Variants in NUSAP1 observed in about 807,000 individuals in gnomAD.
NUSAP1 encodes the protein nucleolar and spindle associated protein 1.
NUSAP1 carries 32 observed loss-of-function variants against 52.8 expected under a neutral mutation model. The observed-to-expected ratio is 0.61, with a 90% CI of 0.46 to 0.81. The LOEUF (loss-of-function observed/expected upper bound fraction) is 0.81, where lower values mean the gene tolerates loss of function less well. NUSAP1 is among the 40% of genes least tolerant of loss of function. NUSAP1 has a pLI of 0.00. For synonymous variants in NUSAP1, 195 were observed against 183.1 expected (o/e 1.06, Z -0.52); for missense variants, 499 against 522.3 (o/e 0.96, Z 0.43).
intron 7 of NUSAP1, among the ~76,000 whole-genome samples, chr15:41,368,728 CTTTTTTT>C (rs57501156): frequency 2.7e-4 from 21 of 77,920 alleles, no homozygotes; most frequent in African/African-American, 9.4e-4. Flanking sequence ...TTATTTTATT[CTTTTTTT>C]TTTTTTTTTT....
At chr15:41,336,648 G>GTTTTTTTTTTTTTTTTTTTTTTTTTTTT (rs75426159) in intron 1 of NUSAP1, among the ~76,000 whole-genome samples, 1 of 91,372 alleles carries the variant, frequency 1.1e-5, no homozygotes, top group African/African-American at 4.0e-5. Context: ...CCTCCTTTTG[G>GTTTTTTTTTTTTTTTTTTTTTTTTTTTT]TTTTTTTTTT....
chr15:41,352,696 A>G (rs2048820115), intron 4 of NUSAP1, among the ~76,000 whole-genome samples: 1 of 151,916 alleles, frequency 6.6e-6, no homozygotes, highest in South Asian at 2.1e-4. Context: ...ACCTGGGACT[A>G]TAGGCATGCA....
chr15:41,338,650 GA>G (rs999826832), intron 1 of NUSAP1, among the ~76,000 whole-genome samples: 18 of 151,610 alleles, frequency 1.2e-4, no homozygotes, highest in Admixed American at 3.9e-4. Flanking sequence ...TTAGGGAAAA[GA>G]AAAAAAAGAG....
chr15:41,338,293 T>C lies in NUSAP1; in HGVS notation c.94-4093T>C, dbSNP rs550032314. On this transcript the variant is annotated intron_variant, in intron 1 of 10. Transcript: ENST00000559596. ...ATGCCTCCCAAACCCACATCTCCAG[T>C]AGGACCTCTCTCTCCCCTGGGATGC... 5.3e-5 allele frequency among the ~76,000 whole-genome samples: 8 copies of C among 152,240 alleles called. No individual in the cohort carries two copies. The South Asian group carries it at 6.2e-4, about 12-fold the overall frequency.
chr15:41,334,651 C>T (rs996429981), intron 1 of NUSAP1, among the ~76,000 whole-genome samples: 28 of 152,044 alleles, frequency 1.8e-4, no homozygotes, highest in Non-Finnish European at 3.2e-4. Context: ...TGTCCCATTG[C>T]TCATTTTGAC....
rs1331117094 is a variant in NUSAP1, at chr15:41,375,808, TC to T, written c.1104del (p.Asn369ThrfsTer9). 1 of 1,611,958 alleles carries T rather than the reference TC, an allele frequency of 6.2e-7. No individual in the cohort carries two copies. The highest frequency in any genetic ancestry group is 8.5e-7 in the Non-Finnish European group (1 of 1,178,048). On this transcript the variant is annotated frameshift_variant, in exon 9 of 11. Coordinates refer to ENST00000559596, the MANE Select transcript of NUSAP1 (RefSeq NM_016359.5). LOFTEE classifies it high-confidence loss of function. ...FDLKASLSRP[L>X]NYEPHKGKLK... is the part of the protein sequence containing the mutation. ...CTTAAAGCAAGTTTGTCTCGTCCCC[TC>T]AACTATGAACCACACAAAGGTATGT...
chr15:41,333,308 T>TTTTTG (rs373696172), intron 1 of NUSAP1, among the ~76,000 whole-genome samples: 10 of 152,224 alleles, frequency 6.6e-5, no homozygotes, highest in African/African-American at 1.9e-4. Context: ...GGTTTATTGT[T>TTTTTG]TTTTGTTTTG....
rs2049972983 is a variant in NUSAP1, at chr15:41,377,121, A to G, written c.1124-75A>G. On this transcript the variant is annotated intron_variant, in intron 9 of 10. Transcript: ENST00000559596. The stretch of plus-strand genomic sequence containing the variant: ...ATAAATGTTGATAGCAGGTAACCCC[A>G]CAGATGAAGAGAATGAAGTTGGGAA... 5.3e-6 allele frequency: 4 copies of G among 759,584 alleles called. No homozygotes were observed. The South Asian group carries it at 6.6e-5, about 13-fold the overall frequency. 47.1% of individuals were successfully genotyped at this position (759,584 alleles called of 1,614,324 possible).
intron 2 of NUSAP1, chr15:41,345,547 C>A: frequency 2.5e-6 from 1 of 396,364 alleles, no homozygotes; most frequent in Admixed American, 3.5e-5. Flanking sequence ...GCAACCTCCA[C>A]CTCCTGAGTT....
intron 8 of NUSAP1, among the ~76,000 whole-genome samples, chr15:41,374,572 G>A (rs1187013794): frequency 6.6e-6 from 1 of 152,144 alleles, no homozygotes; most frequent in Admixed American, 6.6e-5. Context: ...ACTGTCGCCA[G>A]GCTGGAGTGC....
At chr15:41,345,715 C>T in intron 2 of NUSAP1, 1 of 254,072 alleles carries the variant, frequency 3.9e-6, no homozygotes, top group Non-Finnish European at 7.8e-6. Flanking sequence ...ACCTCGGCCT[C>T]CCAAAGTGCT....
At chr15:41,355,466 G>C (rs1231168974) in intron 4 of NUSAP1, among the ~76,000 whole-genome samples, 1 of 150,096 alleles carries the variant, frequency 6.7e-6, no homozygotes, top group Non-Finnish European at 1.5e-5. Context: ...CCACCGCGGC[G>C]CCTGACCAAC....
chr15:41,369,619 G>T (rs904525543), intron 7 of NUSAP1, among the ~76,000 whole-genome samples: 1 of 151,540 alleles, frequency 6.6e-6, no homozygotes, highest in Non-Finnish European at 1.5e-5. Flanking sequence ...TTGCACTCCA[G>T]CCTGGGCAAC....
chr15:41,376,769 G>A (rs1373308488), intron 9 of NUSAP1, among the ~76,000 whole-genome samples: 1 of 150,540 alleles, frequency 6.6e-6, no homozygotes, highest in Non-Finnish European at 1.5e-5. Flanking sequence ...TTTGGTCCCA[G>A]TTCTTTTTGT....
At chr15:41,364,920 G>T (rs1022508460) in intron 6 of NUSAP1, among the ~76,000 whole-genome samples, 2 of 152,098 alleles carry the variant, frequency 1.3e-5, no homozygotes, top group Non-Finnish European at 2.9e-5. Context: ...GCCGGGAAAG[G>T]CTTTCTTGTA....
chr15:41,357,089 C>T (rs549197001), intron 5 of NUSAP1, among the ~76,000 whole-genome samples: 2 of 152,168 alleles, frequency 1.3e-5, no homozygotes, highest in African/African-American at 4.8e-5. Context: ...AGAAGAATGG[C>T]CGGGTGCGGT....
intron 7 of NUSAP1, among the ~76,000 whole-genome samples, chr15:41,368,136 C>T (rs1163470733): frequency 6.6e-6 from 1 of 152,144 alleles, no homozygotes; most frequent in African/African-American, 2.4e-5. Flanking sequence ...CCAGGCATCT[C>T]TAGTCAGCCA....
intron 6 of NUSAP1, among the ~76,000 whole-genome samples, chr15:41,363,619 C>G (rs952874415): frequency 3.3e-5 from 5 of 151,922 alleles, no homozygotes; most frequent in Admixed American, 2.0e-4. Context: ...GCGGTCCCCC[C>G]TCTTCTGCCT....
intron 10 of NUSAP1, among the ~76,000 whole-genome samples, chr15:41,377,915 G>A (rs182092867): frequency 4.0e-5 from 6 of 150,834 alleles, no homozygotes; most frequent in African/African-American, 1.2e-4. Flanking sequence ...GCAGGAACCT[G>A]GGAGGCAGAG....
Sources: gnomAD v4.1 joint callset for allele counts (sites outside exome capture counted in the v4.1 genomes callset) on GRCh38, gnomAD v4.1.1 for gene constraint, MANE v1.5 for transcripts, NCBI Gene and HGNC (gene_info 2026-07-23, HGNC 2026-07-21) for gene names.